DPP10: variants seen among roughly 807,000 people sequenced by gnomAD.
DPP10 encodes dipeptidyl peptidase like 10.
Under a neutral mutation model 120.9 loss-of-function variants are expected in DPP10, and 33 were observed. The ratio of observed to expected loss-of-function variants is 0.27; its 90% CI spans 0.21 to 0.37. The LOEUF is 0.37. Ranked by LOEUF, DPP10 falls within the 10% of genes least tolerant of loss-of-function variation. DPP10 has a pLI of 1.00. For synonymous variants in DPP10, 337 were observed against 326.1 expected (o/e 1.03, Z -0.36); for missense variants, 816 against 942.8 (o/e 0.87, Z 1.76).
intron 1 of DPP10, among the ~76,000 whole-genome samples, chr2:115,004,497 G>A (rs997828377): frequency 6.6e-6 from 1 of 152,186 alleles, no homozygotes; most frequent in Non-Finnish European, 1.5e-5. Context: ...GTGGGCACAG[G>A]TCAGTGGGTG....
At chr2:115,054,317 A>C (rs1308220697) in intron 1 of DPP10, among the ~76,000 whole-genome samples, 2 of 152,220 alleles carry the variant, frequency 1.3e-5, no homozygotes, top group Non-Finnish European at 2.9e-5. Context: ...TTTAGCTGTC[A>C]GATAGTTGAC....
At chr2:115,519,080 G>A (rs1453191037) in intron 4 of DPP10, among the ~76,000 whole-genome samples, 2 of 152,048 alleles carry the variant, frequency 1.3e-5, no homozygotes, top group Non-Finnish European at 2.9e-5. Context: ...ATTTATTAAA[G>A]TGTTGGGTAG....
chr2:114,641,303 A>G (rs949729657), intron 1 of DPP10, among the ~76,000 whole-genome samples: 7 of 151,862 alleles, frequency 4.6e-5, no homozygotes, highest in African/African-American at 1.7e-4. Context: ...TTTTTTCCTG[A>G]TAAGTCACCT....
intron 5 of DPP10, among the ~76,000 whole-genome samples, chr2:115,681,116 TA>T (rs975446790): frequency 2.6e-5 from 4 of 151,908 alleles, no homozygotes; most frequent in African/African-American, 9.7e-5. Flanking sequence ...TGTAGGACTA[TA>T]AATTGTTTTA....
chr2:115,275,092 C>T (rs939045926), intron 1 of DPP10, among the ~76,000 whole-genome samples: 11 of 152,172 alleles, frequency 7.2e-5, no homozygotes, highest in East Asian at 3.9e-4. Flanking sequence ...AGTTGTTTCT[C>T]GGCTTTCTGG....
At chr2:115,286,054 C>A (rs911397030) in intron 1 of DPP10, among the ~76,000 whole-genome samples, 1 of 151,836 alleles carries the variant, frequency 6.6e-6, no homozygotes, top group African/African-American at 2.4e-5. Flanking sequence ...ATGGTCTTTG[C>A]TCTACTTTAT....
At chr2:115,140,511 G>C (rs2050873364) in intron 1 of DPP10, among the ~76,000 whole-genome samples, 1 of 152,184 alleles carries the variant, frequency 6.6e-6, no homozygotes, top group Non-Finnish European at 1.5e-5. Flanking sequence ...GGACATTTTT[G>C]AGTAGAGTGA....
At chr2:114,450,983 C>T (rs912493085) in intron 1 of DPP10, among the ~76,000 whole-genome samples, 1 of 152,092 alleles carries the variant, frequency 6.6e-6, no homozygotes, top group Non-Finnish European at 1.5e-5. Context: ...CCACTTCTCC[C>T]AACTCTGGTT....
At chr2:115,408,917 T>G (rs1185921230) in intron 3 of DPP10, among the ~76,000 whole-genome samples, 2 of 151,720 alleles carry the variant, frequency 1.3e-5, no homozygotes, top group Non-Finnish European at 2.9e-5. Context: ...GACACACAGA[T>G]CAAATCCAAA....
intron 2 of DPP10, among the ~76,000 whole-genome samples, chr2:115,331,949 A>G (rs2106175834): frequency 6.6e-6 from 1 of 152,244 alleles, no homozygotes; most frequent in East Asian, 1.9e-4. Flanking sequence ...AAAGTGAGTT[A>G]GGGAGGATTC....
At chr2:115,793,285 C>T (rs1285807766) in intron 19 of DPP10, among the ~76,000 whole-genome samples, 1 of 151,932 alleles carries the variant, frequency 6.6e-6, no homozygotes, top group African/African-American at 2.4e-5. Context: ...TTTTTTGAAT[C>T]TTCTGTTGCC....
chr2:115,617,381 TGAA>T (rs1365136732), intron 5 of DPP10, among the ~76,000 whole-genome samples: 1 of 149,350 alleles, frequency 6.7e-6, no homozygotes, highest in Non-Finnish European at 1.5e-5. Context: ...ATAACACGAA[TGAA>T]GAATGCATAA....
chr2:115,284,286 C>T (rs2060277506), intron 1 of DPP10, among the ~76,000 whole-genome samples: 1 of 151,990 alleles, frequency 6.6e-6, no homozygotes, highest in Non-Finnish European at 1.5e-5. Context: ...TATTACTCTT[C>T]TCCATAACAT....
chr2:114,603,264 C>T (rs1692520343), intron 1 of DPP10, among the ~76,000 whole-genome samples: 1 of 151,914 alleles, frequency 6.6e-6, no homozygotes, highest in Non-Finnish European at 1.5e-5. Flanking sequence ...GTTCAATTTT[C>T]ATACGAAAAA....
At chr2:114,821,909 C>G (rs1482686424) in intron 1 of DPP10, among the ~76,000 whole-genome samples, 8 of 152,184 alleles carry the variant, frequency 5.3e-5, no homozygotes, top group Non-Finnish European at 1.2e-4. Flanking sequence ...GTACAGCTCC[C>G]CTCTTGGCTG....
rs1223105552 is a variant in DPP10 at position 115,166,434 on chromosome 2, ATGATT to A, written c.61-142801_61-142797del. ...AAATAAAGATGTTATATGGAAGTCT[ATGATT>A]TGAGAGAAAATATGCATTTCCTACT... On this transcript the variant is annotated intron_variant, in intron 1 of 25. Coordinates refer to ENST00000410059, the MANE Select transcript of DPP10 (RefSeq NM_020868.6). 4.2e-5 allele frequency among the ~76,000 whole-genome samples: 6 copies of A among 141,656 alleles called. No homozygotes were observed. The East Asian group carries it at 7.8e-4, about 18-fold the overall frequency. 92.9% of individuals were successfully genotyped at this position (141,656 alleles called of 152,430 possible).
intron 13 of DPP10, among the ~76,000 whole-genome samples, chr2:115,776,259 G>A (rs533469605): frequency 5.9e-5 from 9 of 152,066 alleles, no homozygotes; most frequent in East Asian, 1.9e-4. Flanking sequence ...CCATCAACCC[G>A]TCATCTACAT....
intron 1 of DPP10, among the ~76,000 whole-genome samples, chr2:115,059,053 C>T (rs8179808): frequency 0.15 from 22,175 of 151,996 alleles, 1,722 homozygotes; most frequent in African/African-American, 0.21. Flanking sequence ...TCTTGGTAAT[C>T]CTATACAGTC....
intron 11 of DPP10, among the ~76,000 whole-genome samples, chr2:115,757,871 A>G (rs1679623040): frequency 6.6e-6 from 1 of 152,162 alleles, no homozygotes; most frequent in African/African-American, 2.4e-5. Flanking sequence ...ATAACTTTCA[A>G]TATAAATGAA....
Sources: allele counts gnomAD v4.1 joint callset (sites outside exome capture counted in the v4.1 genomes callset), GRCh38; gene constraint gnomAD v4.1.1; transcripts MANE v1.5; gene names NCBI Gene and HGNC (gene_info 2026-07-23, HGNC 2026-07-21).